RYR2: variants seen among roughly 807,000 people sequenced by gnomAD.
The protein encoded by RYR2 is cardiac muscle ryanodine receptor-calcium release channel.
A neutral mutation model predicts 601.1 loss-of-function variants in RYR2; 227 were observed. The ratio of observed to expected loss-of-function variants is 0.38; its 90% CI spans 0.34 to 0.42. RYR2 has a LOEUF of 0.42. Ranked by LOEUF, RYR2 falls within the 10% of genes least tolerant of loss-of-function variation. The probability of loss-of-function intolerance (pLI) is 1.00; values close to 1 mark genes in which losing one functional copy is unlikely to be tolerated. For synonymous variants in RYR2, 2,223 were observed against 2,175.1 expected, an observed-to-expected ratio of 1.02 and a Z score of -0.61; for missense variants, 4,646 against 6,156.5, an observed-to-expected ratio of 0.75 and a Z score of 8.21.
chr1:237,617,674 A>G (rs1293432678), intron 38 of RYR2, among the ~76,000 whole-genome samples, 188 bp downstream of exon 38: 2 of 152,196 alleles, frequency 1.3e-5, no homozygotes, highest in African/African-American at 4.8e-5. Context: ...CAAAAGAGGG[A>G]CTTATTAGAA....
intron 80 of RYR2, among the ~76,000 whole-genome samples, chr1:237,743,232 C>T (rs976633906): frequency 5.9e-5 from 9 of 152,112 alleles, no homozygotes; most frequent in African/African-American, 1.2e-4. Context: ...CCCACAAAAA[C>T]GTATTAGCCA....
intron 1 of RYR2, among the ~76,000 whole-genome samples, chr1:237,128,078 A>T (rs1465503103): frequency 6.6e-6 from 1 of 152,130 alleles, no homozygotes; most frequent in Non-Finnish European, 1.5e-5. Flanking sequence ...ACGCCACTGC[A>T]CTCCAGCCTG....
chr1:237,454,677 C>T, intron 15 of RYR2, 103 bp downstream of exon 15: 1 of 1,136,766 alleles, frequency 8.8e-7, no homozygotes, highest in Non-Finnish European at 1.3e-6. Flanking sequence ...TTGCGTTTTG[C>T]AATATAGAGG....
At chr1:237,564,053 G>T (rs1193588092) in intron 27 of RYR2, among the ~76,000 whole-genome samples, 2 of 151,956 alleles carry the variant, frequency 1.3e-5, no homozygotes, top group African/African-American at 4.8e-5. Flanking sequence ...TAAAAATAAG[G>T]ATAACTACCT....
At chr1:237,494,488 A>G (rs929161623) in intron 19 of RYR2, among the ~76,000 whole-genome samples, 3 of 152,100 alleles carry the variant, frequency 2.0e-5, no homozygotes, top group African/African-American at 7.2e-5. Context: ...ACCCAGATTG[A>G]GGATGGGTCG....
rs1366056307 is a variant in RYR2 at position 237,521,378 on chromosome 1, C to T, written c.2823-9049C>T. On this transcript the variant is annotated intron_variant, in intron 24 of 104. Transcript: ENST00000366574. ...TTGTAGCCAGTGTGTTCATTTCAAA[C>T]ATTAAGGTGACCATGTCAATCTTTC... Among the ~76,000 whole-genome samples, 6 of 152,168 alleles carry T rather than the reference C, an allele frequency of 3.9e-5. No homozygotes were observed. In the East Asian group the frequency reaches 1.2e-3, roughly 29 times the overall value.
rs1675059696 is a variant in RYR2 at position 237,590,723 on chromosome 1, T to C, written c.3891T>C (p.Thr1297=). The C allele has an allele frequency of 6.2e-7, 1 of 1,611,320 alleles. No individual in the cohort carries two copies. The highest frequency in any genetic ancestry group is 1.1e-5 in the South Asian group (1 of 90,864). The change falls in exon 31 of 105, where the codon ACT becomes ACC. Residue 1297 remains threonine, a synonymous_variant. Coordinates refer to ENST00000366574, the MANE Select transcript of RYR2 (RefSeq NM_001035.3). ...CTTTTGGTTCTCAGAACAGCAACAC[T>C]GATATCATGTTTTATCGCCTGAGCA... The part of the protein sequence containing the change: ...QKSFGSQNSN[T]DIMFYRLSMP...
chr1:237,539,636 A>G (rs1259479107), intron 25 of RYR2, among the ~76,000 whole-genome samples: 9 of 152,294 alleles, frequency 5.9e-5, no homozygotes, highest in East Asian at 1.9e-4. Context: ...TGGGAGCTCA[A>G]CAATGAGAAC....
chr1:237,423,049 G>A (rs748180386), intron 11 of RYR2, 43 bp from the exon 12 acceptor site: 1 of 1,582,662 alleles, frequency 6.3e-7, no homozygotes, highest in East Asian at 2.2e-5. Flanking sequence ...CTCCTTCTGT[G>A]ATTGTGGGTG....
chr1:237,566,569 G>A lies in RYR2; in HGVS notation c.3217G>A (p.Ala1073Thr), dbSNP rs1427686482. The change falls in exon 28 of 105, where the codon GCC (alanine) becomes ACC (threonine). Residue 1073 changes from alanine to threonine, a missense_variant and splice_region_variant. Transcript: ENST00000366574. ...NLEAPDQDHAARAEVCSGTGE... is the reference protein window; with the variant it reads ...NLEAPDQDHATRAEVCSGTGE... ...AGAAATCTCTGTCCATTTCCCAGCA[G>A]CCAGAGCCGAAGTGTGCAGCGGCAC... 6 of 1,612,518 alleles carry A rather than the reference G, an allele frequency of 3.7e-6. No individual in the cohort carries two copies. In the East Asian group the frequency reaches 6.7e-5, roughly 18 times the overall value.
chr1:237,288,621 G>A (rs1408428517), intron 2 of RYR2, among the ~76,000 whole-genome samples: 1 of 152,016 alleles, frequency 6.6e-6, no homozygotes, highest in Non-Finnish European at 1.5e-5. Context: ...GCCTCACCCA[G>A]CTCCCACGCA....
intron 2 of RYR2, among the ~76,000 whole-genome samples, chr1:237,272,184 G>C (rs1281490089): frequency 6.6e-6 from 1 of 152,158 alleles, no homozygotes; most frequent in African/African-American, 2.4e-5. Context: ...ATGGCATAGT[G>C]AGGTGAGACG....
chr1:237,307,461 G>A (rs1219441626), intron 2 of RYR2, among the ~76,000 whole-genome samples: 1 of 152,154 alleles, frequency 6.6e-6, no homozygotes, highest in Non-Finnish European at 1.5e-5. Context: ...TCACATTATT[G>A]TACATTATTG....
intron 63 of RYR2, among the ~76,000 whole-genome samples, chr1:237,689,525 T>C (rs975880592): frequency 2.6e-5 from 4 of 152,156 alleles, no homozygotes; most frequent in African/African-American, 9.7e-5. Flanking sequence ...TATAATACAG[T>C]TTGTCATGCT....
chr1:237,324,922 A>G (rs1156790715), intron 2 of RYR2, among the ~76,000 whole-genome samples: 3 of 152,248 alleles, frequency 2.0e-5, no homozygotes, highest in Non-Finnish European at 4.4e-5. Flanking sequence ...TAGTGTTAAC[A>G]AAACAGCCCA....
At chr1:237,114,079 G>A (rs1669801243) in intron 1 of RYR2, among the ~76,000 whole-genome samples, 1 of 152,162 alleles carries the variant, frequency 6.6e-6, no homozygotes, top group Admixed American at 6.5e-5. Flanking sequence ...TGAAAATATA[G>A]ATGTCCCAGG....
chr1:237,213,939 T>TC (rs1682886462), intron 1 of RYR2, among the ~76,000 whole-genome samples: 1 of 145,536 alleles, frequency 6.9e-6, no homozygotes, highest in Non-Finnish European at 1.5e-5. Context: ...TTTTTTTTTT[T>TC]AGACAGAGTC....
intron 2 of RYR2, among the ~76,000 whole-genome samples, chr1:237,290,165 A>C (rs137890534): frequency 1.3e-5 from 2 of 152,360 alleles, no homozygotes; most frequent in African/African-American, 4.8e-5. Flanking sequence ...TGATAAAGGG[A>C]TACTATGTGG....
intron 58 of RYR2, among the ~76,000 whole-genome samples, chr1:237,669,655 G>A (rs1293283104): frequency 9.2e-5 from 14 of 151,994 alleles, no homozygotes; most frequent in Admixed American, 3.9e-4. Context: ...CAGACGGGGC[G>A]GCAGGGCAGA....
Sources: gnomAD v4.1 joint callset for allele counts (sites outside exome capture counted in the v4.1 genomes callset) on GRCh38, gnomAD v4.1.1 for gene constraint, MANE v1.5 for transcripts, NCBI Gene and HGNC (gene_info 2026-07-23, HGNC 2026-07-21) for gene names.